The following STARD13 variants were observed in gnomAD, a reference collection of about 807,000 sequenced individuals.
STARD13 encodes the protein stAR-related lipid transfer protein 13.
Under a neutral mutation model 106.4 loss-of-function variants are expected in STARD13, and 62 were observed. That is an observed-to-expected ratio of 0.58 (90% CI 0.48 to 0.72). The LOEUF is 0.72. STARD13 is among the 30% of genes least tolerant of loss of function. STARD13 has a pLI of 0.00. For synonymous variants in STARD13, 565 were observed against 553.0 expected, an observed-to-expected ratio of 1.02 and a Z score of -0.31; for missense variants, 1,387 against 1,424.0, an observed-to-expected ratio of 0.97 and a Z score of 0.42.
At chr13:33,132,122 C>T (rs1197996668) in intron 4 of STARD13, among the ~76,000 whole-genome samples, 1 of 152,142 alleles carries the variant, frequency 6.6e-6, no homozygotes, top group Non-Finnish European at 1.5e-5. Context: ...GACTAAATGA[C>T]AAACTTGAAC....
At chr13:33,534,953 C>T in the STARD13 span, among the ~76,000 whole-genome samples, 19 of 152,120 alleles carry the variant, frequency 1.2e-4, no homozygotes, top group African/African-American at 4.3e-4. Flanking sequence ...TTGTGGCTCA[C>T]GCCTGTAATC....
At chr13:33,218,021 C>T (rs369987510) in intron 1 of STARD13, among the ~76,000 whole-genome samples, 8 of 152,238 alleles carry the variant, frequency 5.3e-5, no homozygotes, top group Non-Finnish European at 8.8e-5. Context: ...TCACACACAT[C>T]TCATTTTATT....
intron 1 of STARD13, among the ~76,000 whole-genome samples, chr13:33,237,553 C>A (rs921711215): frequency 1.3e-5 from 2 of 152,218 alleles, no homozygotes; most frequent in Non-Finnish European, 2.9e-5. Context: ...GGTCTTCCTG[C>A]CTCCAGCATC....
At chr13:33,435,097 A>T in the STARD13 span, among the ~76,000 whole-genome samples, 1 of 152,184 alleles carries the variant, frequency 6.6e-6, no homozygotes, top group South Asian at 2.1e-4. Flanking sequence ...AGCCAAGCTA[A>T]GTTATGGGAC....
At chr13:33,270,830 G>A (rs1277995438) in intron 1 of STARD13, among the ~76,000 whole-genome samples, 2 of 152,158 alleles carry the variant, frequency 1.3e-5, no homozygotes, top group Non-Finnish European at 2.9e-5. Context: ...GCTTATAATG[G>A]AGAAGCAACA....
chr13:33,343,583 A>AAAAAAAAC (rs2077984565), intron 1 of STARD13, among the ~76,000 whole-genome samples: 2 of 94,314 alleles, frequency 2.1e-5, no homozygotes, highest in Non-Finnish European at 4.2e-5. Context: ...GTCTTAAAAA[A>AAAAAAAAC]AAAAAAAAAA....
At chr13:33,232,762 C>T (rs577351351) in intron 1 of STARD13, among the ~76,000 whole-genome samples, 73 of 152,342 alleles carry the variant, frequency 4.8e-4, no homozygotes, top group African/African-American at 1.7e-3. Flanking sequence ...CTCAGGAAAT[C>T]AACCCTCACT....
chr13:33,658,565 T>C, the STARD13 span, among the ~76,000 whole-genome samples: 5 of 152,326 alleles, frequency 3.3e-5, no homozygotes, highest in East Asian at 9.6e-4. Flanking sequence ...TAGTCTGGAG[T>C]ATCTTTTTCT....
chr13:33,354,454 C>T (rs549564261), upstream of STARD13, among the ~76,000 whole-genome samples: 11 of 152,302 alleles, frequency 7.2e-5, no homozygotes, highest in East Asian at 1.9e-4. Flanking sequence ...GGGATACTGC[C>T]GGAGGAGCAC....
chr13:33,137,923 A>C (rs140159404), intron 4 of STARD13, among the ~76,000 whole-genome samples: 1,401 of 125,806 alleles, frequency 0.011, 26 homozygotes, highest in African/African-American at 0.04. Context: ...GGGAGTGGGA[A>C]GTAGGGGTGG....
the STARD13 span, among the ~76,000 whole-genome samples, chr13:33,451,294 G>C: frequency 2.6e-4 from 39 of 152,194 alleles, no homozygotes; most frequent in African/African-American, 8.2e-4. Flanking sequence ...ATGTTAATGA[G>C]TTGAGAACAA....
the STARD13 span, among the ~76,000 whole-genome samples, chr13:33,631,717 C>G: frequency 6.6e-6 from 1 of 152,112 alleles, no homozygotes; most frequent in African/African-American, 2.4e-5. Flanking sequence ...CAACAAGATG[C>G]TATTAATATA....
chr13:33,302,944 G>T (rs146320875), intron 1 of STARD13, among the ~76,000 whole-genome samples: 288 of 152,298 alleles, frequency 1.9e-3, no homozygotes, highest in African/African-American at 6.6e-3. Context: ...AGATTCTTCA[G>T]TCTGGCATTA....
chr13:33,276,559 T>C (rs1891445814), intron 1 of STARD13: 1 of 152,188 alleles, frequency 6.6e-6, no homozygotes, highest in African/African-American at 2.4e-5. Flanking sequence ...TACATACTTT[T>C]TGTATCCAGT....
the STARD13 span, among the ~76,000 whole-genome samples, chr13:33,392,866 T>G: frequency 7.2e-5 from 11 of 152,336 alleles, no homozygotes; most frequent in Non-Finnish European, 1.5e-4. Flanking sequence ...TCAACTAACT[T>G]CCATTTAAGT....
At chr13:33,650,029 C>A in the STARD13 span, among the ~76,000 whole-genome samples, 1 of 152,016 alleles carries the variant, frequency 6.6e-6, no homozygotes, top group Non-Finnish European at 1.5e-5. Context: ...CACTTGAGTG[C>A]CAAATCCAGA....
rs145917316 is a variant in STARD13 at position 33,111,439 on chromosome 13, T to C, written c.2607+339A>G. Reference sequence around the variant, plus strand: ...GTTCTTAGCAACAAAGATTCCTCAGTATCATACACACACTCACACAGATGT... The same window carrying C: ...GTTCTTAGCAACAAAGATTCCTCAGCATCATACACACACTCACACAGATGT... On this transcript the variant is annotated intron_variant, in intron 10 of 13. Transcript: ENST00000336934. 5.9e-3 allele frequency among the ~76,000 whole-genome samples: 897 copies of C among 152,368 alleles called. 12 individuals carry two copies. The highest frequency in any genetic ancestry group is 0.021 in the African/African-American group (865 of 41,588).
chr13:33,372,310 A>G, the STARD13 span, among the ~76,000 whole-genome samples: 1 of 152,190 alleles, frequency 6.6e-6, no homozygotes, highest in Non-Finnish European at 1.5e-5. Flanking sequence ...ACACCTACAT[A>G]TGTGCATGAA....
chr13:33,358,152 C>A, the STARD13 span, among the ~76,000 whole-genome samples: 1 of 152,216 alleles, frequency 6.6e-6, no homozygotes, highest in South Asian at 2.1e-4. Context: ...TGTACTGGGT[C>A]CCCCAGCAGT....
Sources: gnomAD v4.1 joint callset for allele counts (sites outside exome capture counted in the v4.1 genomes callset) on GRCh38, gnomAD v4.1.1 for gene constraint, MANE v1.5 for transcripts, NCBI Gene and HGNC (gene_info 2026-07-23, HGNC 2026-07-21) for gene names.